SLC35F4: variants seen among roughly 807,000 people sequenced by gnomAD.
SLC35F4 encodes chromosome 14 open reading frame 36.
In SLC35F4, 24 loss-of-function variants were observed where a neutral mutation model predicts 44.2. The observed-to-expected ratio is 0.54, with a 90% confidence interval of 0.39 to 0.76. The LOEUF is 0.76. Ranked by LOEUF, SLC35F4 falls within the 30% of genes least tolerant of loss-of-function variation. The pLI is 0.00. For missense variants in SLC35F4, 562 were observed against 586.1 expected (o/e 0.96, Z 0.42); for synonymous variants, 238 against 223.6 (o/e 1.06, Z -0.57).
At chr14:57,683,714 C>G (rs1045675867) in intron 1 of SLC35F4, among the ~76,000 whole-genome samples, 8 of 152,150 alleles carry the variant, frequency 5.3e-5, no homozygotes, top group Admixed American at 5.2e-4. Flanking sequence ...TTGGTCTACT[C>G]CAGTTAAAAA....
At chr14:57,586,717 C>CAA (rs543963927) in intron 3 of SLC35F4, among the ~76,000 whole-genome samples, 260 of 12,482 alleles carry the variant, frequency 0.021, 58 homozygotes, top group Non-Finnish European at 0.03. Context: ...GACTCTGTCT[C>CAA]AAAAAAAAAA....
At chr14:57,843,222 A>G (rs1017369320) in intron 1 of SLC35F4, among the ~76,000 whole-genome samples, 3 of 152,138 alleles carry the variant, frequency 2.0e-5, no homozygotes, top group Non-Finnish European at 2.9e-5. Flanking sequence ...TCCCTTTCAT[A>G]TATACATCTA....
chr14:57,760,849 C>A (rs993043), intron 1 of SLC35F4, among the ~76,000 whole-genome samples: 141,510 of 152,220 alleles, frequency 0.93, 65,829 homozygotes, highest in East Asian at 1. Flanking sequence ...CTTTCCAGGG[C>A]GCTGGGTAGT....
intron 1 of SLC35F4, among the ~76,000 whole-genome samples, chr14:57,949,815 G>C (rs1733103252): frequency 6.6e-6 from 1 of 152,068 alleles, no homozygotes; most frequent in African/African-American, 2.4e-5. Context: ...AAAATTCTAG[G>C]CTGACAATTA....
intron 1 of SLC35F4, chr14:57,595,706 C>T (rs946570300): frequency 8.5e-5 from 13 of 152,128 alleles, no homozygotes; most frequent in Non-Finnish European, 1.5e-4. Context: ...TTGGCCATGG[C>T]GAGCTCTTTT....
intron 1 of SLC35F4, among the ~76,000 whole-genome samples, chr14:57,823,483 G>T (rs10142225): frequency 0.18 from 27,042 of 152,174 alleles, 3,152 homozygotes; most frequent in African/African-American, 0.34. Context: ...ACGCTCCAGG[G>T]GAGTGGCATA....
rs117971902 is a variant in SLC35F4, at chr14:57,862,127, T to C, written c.103+3596A>G. ...TTGAAACCTTCCACACTTCAGCTGA[T>C]GGCAACTCAAACTTAGTCAAACCAG... is the stretch of plus-strand genomic sequence containing the variant. On this transcript the variant is annotated intron_variant, in intron 1 of 7. Coordinates refer to ENST00000556826, the MANE Select transcript of SLC35F4 (RefSeq NM_001306087.2). 1.4e-3 allele frequency among the ~76,000 whole-genome samples: 213 copies of C among 152,248 alleles called. 3 individuals are homozygous for C. The East Asian group carries it at 0.034, about 24-fold the overall frequency.
intron 1 of SLC35F4, among the ~76,000 whole-genome samples, chr14:57,883,399 C>T (rs1888581844): frequency 6.6e-6 from 1 of 152,160 alleles, no homozygotes; most frequent in Non-Finnish European, 1.5e-5. Context: ...GCTTCTCACT[C>T]AAAAGCTCCA....
intron 6 of SLC35F4, among the ~76,000 whole-genome samples, chr14:57,568,210 G>A (rs1302115418): frequency 6.6e-6 from 1 of 152,236 alleles, no homozygotes; most frequent in Admixed American, 6.5e-5. Flanking sequence ...CCAGTGGAGT[G>A]TGGAGCTCAT....
intron 1 of SLC35F4, among the ~76,000 whole-genome samples, chr14:57,841,158 C>G (rs1885444103): frequency 6.6e-6 from 1 of 152,120 alleles, no homozygotes; most frequent in South Asian, 2.1e-4. Flanking sequence ...CCTAGCTGTA[C>G]AGGGCATGGC....
intron 1 of SLC35F4, among the ~76,000 whole-genome samples, chr14:57,660,374 T>G (rs1351115986): frequency 6.6e-6 from 1 of 152,012 alleles, no homozygotes; most frequent in Admixed American, 6.6e-5. Context: ...TTCTGCTGGA[T>G]CTACACTTAG....
chr14:57,753,040 G>T (rs1057297556), intron 1 of SLC35F4, among the ~76,000 whole-genome samples: 1 of 152,162 alleles, frequency 6.6e-6, no homozygotes, highest in African/African-American at 2.4e-5. Flanking sequence ...ATGCTCAGGG[G>T]ATTGGCTTTA....
At chr14:57,605,909 T>C (rs892235222) in intron 1 of SLC35F4, among the ~76,000 whole-genome samples, 3 of 152,046 alleles carry the variant, frequency 2.0e-5, no homozygotes, top group Admixed American at 6.5e-5. Context: ...GAGCTAAACA[T>C]TGTGTAGACA....
intron 1 of SLC35F4, among the ~76,000 whole-genome samples, chr14:57,745,218 C>T (rs557213809): frequency 9.9e-5 from 15 of 152,242 alleles, no homozygotes; most frequent in Non-Finnish European, 2.1e-4. Flanking sequence ...GCAACAAAAG[C>T]CAAAATTGAC....
intron 4 of SLC35F4, 131 bp from the exon 5 acceptor site, chr14:57,572,150 G>A: frequency 2.0e-6 from 2 of 1,012,008 alleles, no homozygotes; most frequent in South Asian, 3.1e-5. Flanking sequence ...CACTTTAAAT[G>A]TAGGAAGGCT....
At chr14:57,754,649 G>A (rs917141364) in intron 1 of SLC35F4, among the ~76,000 whole-genome samples, 15 of 152,202 alleles carry the variant, frequency 9.9e-5, no homozygotes, top group Non-Finnish European at 5.9e-5. Flanking sequence ...AAAGGGCCTT[G>A]CCTTTCATCT....
At chr14:57,656,510 T>G (rs750284250) in intron 1 of SLC35F4, among the ~76,000 whole-genome samples, 1 of 152,066 alleles carries the variant, frequency 6.6e-6, no homozygotes, top group Non-Finnish European at 1.5e-5. Flanking sequence ...CATGGCTTGT[T>G]ACTATAGGAA....
At position 57,566,500 on chromosome 14, in the gene SLC35F4, T is replaced by C. The variant is rs565341682; in HGVS notation, c.1191A>G (p.Thr397=). 6.3e-6 allele frequency: 10 copies of C among 1,599,490 alleles called. No homozygotes were observed. The highest frequency in any genetic ancestry group is 1.7e-5 in the Admixed American group (1 of 58,244). Residue 397 remains threonine (T), a synonymous_variant, in exon 7 of 8, where the codon ACA becomes ACG. Coordinates refer to ENST00000556826, the MANE Select transcript of SLC35F4 (RefSeq NM_001306087.2). ...LTYPILISIG[T]VLSVPGNAAV... ...CTGCATTTCCAGGAACGCTGAGCAC[T>C]GTCCCAATGGAGATTAGGATTGGGT...
chr14:57,850,848 T>C (rs1443237388), intron 1 of SLC35F4, among the ~76,000 whole-genome samples: 3 of 152,224 alleles, frequency 2.0e-5, no homozygotes, highest in Admixed American at 6.5e-5. Context: ...ATTCTTTTCT[T>C]GTAGACAAAG....
Sources: gnomAD v4.1 joint callset for allele counts (sites outside exome capture counted in the v4.1 genomes callset) on GRCh38, gnomAD v4.1.1 for gene constraint, MANE v1.5 for transcripts, NCBI Gene and HGNC (gene_info 2026-07-23, HGNC 2026-07-21) for gene names.